Variants in PCDH15 observed in about 807,000 individuals in gnomAD.
PCDH15 encodes the protein protocadherin-15.
A neutral mutation model predicts 178.5 loss-of-function variants in PCDH15; 129 were observed. The ratio of observed to expected loss-of-function variants is 0.72; its 90% CI spans 0.63 to 0.84. The LOEUF (loss-of-function observed/expected upper bound fraction) is 0.84. Among genes scored for constraint, PCDH15 ranks in the 40% least tolerant of loss-of-function variants. PCDH15 has a pLI of 0.00. For synonymous variants in PCDH15, 800 were observed against 732.0 expected, an observed-to-expected ratio of 1.09 and a Z score of -1.50; for missense variants, 2,230 against 2,099.9, an observed-to-expected ratio of 1.06 and a Z score of -1.21.
upstream of PCDH15, among the ~76,000 whole-genome samples, chr10:55,322,205 T>A (rs1843918938): frequency 6.6e-6 from 1 of 152,206 alleles, no homozygotes; most frequent in African/African-American, 2.4e-5. Flanking sequence ...CATGATCTCT[T>A]GCCTGCTACC....
intron 17 of PCDH15, among the ~76,000 whole-genome samples, chr10:54,074,920 G>A (rs2094312795): frequency 6.6e-6 from 1 of 152,098 alleles, no homozygotes; most frequent in Admixed American, 6.5e-5. Flanking sequence ...TCTACTGGGT[G>A]TGAGGTGGCA....
chr10:54,940,959 C>A (rs1016887544), intron 2 of PCDH15, among the ~76,000 whole-genome samples: 1 of 151,976 alleles, frequency 6.6e-6, no homozygotes, highest in Non-Finnish European at 1.5e-5. Flanking sequence ...TTAGAAAATT[C>A]TGTCTAGCAA....
At chr10:55,020,999 C>A (rs753737742) in intron 2 of PCDH15, among the ~76,000 whole-genome samples, 2 of 152,260 alleles carry the variant, frequency 1.3e-5, no homozygotes, top group African/African-American at 2.4e-5. Context: ...CTCTTACATG[C>A]AAAATGTTTA....
chr10:54,328,658 G>A (rs933890462), intron 7 of PCDH15, among the ~76,000 whole-genome samples: 8 of 151,966 alleles, frequency 5.3e-5, no homozygotes, highest in South Asian at 2.1e-4. Context: ...ATCAATAAAC[G>A]TAAAAGAAAT....
chr10:54,399,957 G>A (rs1412450132), intron 3 of PCDH15, among the ~76,000 whole-genome samples: 1 of 152,040 alleles, frequency 6.6e-6, no homozygotes, highest in African/African-American at 2.4e-5. Context: ...TACCTCTAAT[G>A]CTTTTTCCAG....
At chr10:54,320,039 A>AC (rs1347521805) in intron 7 of PCDH15, among the ~76,000 whole-genome samples, 1 of 152,108 alleles carries the variant, frequency 6.6e-6, no homozygotes, top group Non-Finnish European at 1.5e-5. Context: ...AAAAACACAA[A>AC]ATGTTTAAAT....
chr10:54,543,800 C>A (rs1049648893), intron 2 of PCDH15, among the ~76,000 whole-genome samples: 3 of 152,146 alleles, frequency 2.0e-5, no homozygotes, highest in African/African-American at 7.2e-5. Flanking sequence ...ACTGCTGAGA[C>A]AACTTGCAAC....
chr10:55,308,755 T>G (rs2132286227), intron 1 of PCDH15, among the ~76,000 whole-genome samples: 1 of 152,270 alleles, frequency 6.6e-6, no homozygotes, highest in Admixed American at 6.5e-5. Context: ...TTATAAGTAG[T>G]TTTCCTTAAA....
At chr10:54,303,038 G>A (rs2060238717) in intron 8 of PCDH15, among the ~76,000 whole-genome samples, 1 of 151,998 alleles carries the variant, frequency 6.6e-6, no homozygotes, top group Non-Finnish European at 1.5e-5. Flanking sequence ...AGAAAAATAG[G>A]AAACTTTATT....
At chr10:54,221,694 C>T (rs897225272) in intron 9 of PCDH15, among the ~76,000 whole-genome samples, 6 of 151,818 alleles carry the variant, frequency 4.0e-5, no homozygotes, top group Non-Finnish European at 5.9e-5. Flanking sequence ...CTTCTGCCTC[C>T]TGAGTTGAAG....
intron 1 of PCDH15, among the ~76,000 whole-genome samples, chr10:55,178,573 C>G (rs187731720): frequency 6.6e-6 from 1 of 152,206 alleles, no homozygotes; most frequent in East Asian, 1.9e-4. Context: ...GTACTTCTTT[C>G]TACTTCTTCA....
At chr10:54,418,761 T>C (rs1954815798) in intron 3 of PCDH15, among the ~76,000 whole-genome samples, 1 of 151,922 alleles carries the variant, frequency 6.6e-6, no homozygotes, top group African/African-American at 2.4e-5. Context: ...ATGACCAACA[T>C]ATAAATCATA....
At chr10:54,275,377 A>G (rs1296006443) in intron 8 of PCDH15, among the ~76,000 whole-genome samples, 1 of 151,902 alleles carries the variant, frequency 6.6e-6, no homozygotes, top group East Asian at 1.9e-4. Flanking sequence ...ACTGAAGCAC[A>G]GAGAGCACTT....
intron 27 of PCDH15, 141 bp from the exon 28 acceptor site, chr10:53,857,404 ATTTTT>A: frequency 1.6e-6 from 1 of 609,608 alleles, no homozygotes. Flanking sequence ...ATATATATAC[ATTTTT>A]AATTATATGA....
chr10:54,573,485 C>T (rs942277849), intron 2 of PCDH15, among the ~76,000 whole-genome samples: 1 of 152,094 alleles, frequency 6.6e-6, no homozygotes, highest in Non-Finnish European at 1.5e-5. Context: ...TCTAATAATG[C>T]ATGCATTTTG....
intron 13 of PCDH15, among the ~76,000 whole-genome samples, chr10:54,169,638 C>T (rs1344680514): frequency 4.0e-5 from 6 of 151,054 alleles, no homozygotes; most frequent in Admixed American, 1.3e-4. Flanking sequence ...ATCCCCCCAC[C>T]TTAACCTACA....
intron 2 of PCDH15, among the ~76,000 whole-genome samples, chr10:55,503,398 T>C: frequency 6.7e-6 from 1 of 148,484 alleles, no homozygotes; most frequent in Non-Finnish European, 1.5e-5. Flanking sequence ...AATTTAAAAT[T>C]ATATTGTATT....
chr10:53,924,428 C>T (rs2084299026), intron 25 of PCDH15, among the ~76,000 whole-genome samples: 1 of 152,214 alleles, frequency 6.6e-6, no homozygotes, highest in Non-Finnish European at 1.5e-5. Flanking sequence ...CGGGGCAAGG[C>T]TTGGGACCTG....
At chr10:55,085,062 A>G (rs10430546) in intron 2 of PCDH15, among the ~76,000 whole-genome samples, 12,552 of 152,042 alleles carry the variant, frequency 0.083, 612 homozygotes, top group East Asian at 0.23. Flanking sequence ...TGATCCAGAT[A>G]TCCTACTGCT....
Sources: gnomAD v4.1 joint callset for allele counts (sites outside exome capture counted in the v4.1 genomes callset) on GRCh38, gnomAD v4.1.1 for gene constraint, MANE v1.5 for transcripts, NCBI Gene and HGNC (gene_info 2026-07-23, HGNC 2026-07-21) for gene names.